PFKFB1: variants seen among roughly 807,000 people sequenced by gnomAD.
PFKFB1 encodes the protein 6-phosphofructo-2-kinase/fructose-2,6-biphosphatase 1.
Under a neutral mutation model 46.4 loss-of-function variants are expected in PFKFB1, and 34 were observed. That is an observed-to-expected ratio of 0.73 (90% CI 0.56 to 0.98). The LOEUF is 0.98. Among genes scored for constraint, PFKFB1 ranks in the 50% least tolerant of loss-of-function variants. The pLI is 0.00. For synonymous variants in PFKFB1, 119 were observed against 133.8 expected (o/e 0.89, Z 0.76); for missense variants, 393 against 376.3 (o/e 1.04, Z -0.37).
chrX:54,934,488 G>A (rs1201793487), intron 12 of PFKFB1, among the ~76,000 whole-genome samples: 1 of 111,556 alleles, frequency 9.0e-6, no homozygotes, highest in African/African-American at 3.3e-5. Flanking sequence ...CCTGTGGACT[G>A]CACCTTACTC....
Position 54,933,814 on chromosome X carries a change from C to G in PFKFB1, c.1356+7G>C. ...AGCCAGCTTGGGCCATGGAGTCCCC[C>G]ACCTACCTCAGGCTTCTCCCGGTGT... is the stretch of plus-strand genomic sequence containing the variant. On this transcript the variant is annotated splice_region_variant and intron_variant, in intron 13 of 13. Coordinates refer to ENST00000375006, the MANE Select transcript of PFKFB1 (RefSeq NM_002625.4). The G allele has an allele frequency of 2.5e-6, 3 of 1,202,760 alleles. No homozygotes were observed. The highest frequency in any genetic ancestry group is 2.3e-6 in the Non-Finnish European group (2 of 887,441).
chrX:54,961,093 G>A (rs1376861027), intron 2 of PFKFB1, among the ~76,000 whole-genome samples, 176 bp from the exon 3 acceptor site: 3 of 111,491 alleles, frequency 2.7e-5, no homozygotes, highest in African/African-American at 9.8e-5. Context: ...GCCCTGCAAA[G>A]TAGAGATCAC....
upstream of PFKFB1, among the ~76,000 whole-genome samples, chrX:54,995,683 C>T (rs911369975): frequency 3.6e-5 from 4 of 112,284 alleles, no homozygotes; most frequent in Admixed American, 2.8e-4. Flanking sequence ...CTCCTTAGGA[C>T]TGTTGAAGAT....
intron 1 of PFKFB1, among the ~76,000 whole-genome samples, chrX:54,992,898 T>A (rs1038584994): frequency 2.7e-5 from 3 of 111,546 alleles, no homozygotes; most frequent in African/African-American, 9.8e-5. Flanking sequence ...TAGTCTTTTT[T>A]CTCTCTCTTC....
At chrX:54,935,837 C>T (rs1274024786) in intron 11 of PFKFB1, among the ~76,000 whole-genome samples, 1 of 111,624 alleles carries the variant, frequency 9.0e-6, no homozygotes, top group Non-Finnish European at 1.9e-5. Context: ...TCTCCTGACA[C>T]CCACTTTCCT....
At chrX:54,965,578 G>T (rs1934450953) in intron 1 of PFKFB1, among the ~76,000 whole-genome samples, 2 of 111,431 alleles carry the variant, frequency 1.8e-5, no homozygotes, top group Admixed American at 9.6e-5. Flanking sequence ...TCAGAAAGAG[G>T]GTTATGATAT....
Position 54,937,790 on chromosome X carries a change from C to A in PFKFB1, c.1099-66G>T, listed in dbSNP as rs759403289. ...GGCACATTTGCCCAGAGGGGAAGAA[C>A]TCTAAACTAGGAATCAAGAACATTT... On this transcript the variant is annotated intron_variant, in intron 10 of 13. Transcript: ENST00000375006. 98 of 1,028,294 alleles carry A rather than the reference C, an allele frequency of 9.5e-5. No individual in the cohort carries two copies. In the African/African-American group the frequency reaches 1.6e-3, roughly 17 times the overall value. 84.7% of individuals were successfully genotyped at this position (1,028,294 alleles called of 1,213,427 possible).
chrX:54,956,155 G>A lies in PFKFB1; in HGVS notation c.636C>T (p.Asp212=). 2.5e-6 allele frequency: 3 copies of A among 1,189,483 alleles called. No homozygotes were observed. The highest frequency in any genetic ancestry group is 3.4e-6 in the Non-Finnish European group (3 of 875,584). The change falls in exon 7 of 14, where the codon GAC becomes GAT. Residue 212 remains aspartate (D), a splice_region_variant and synonymous_variant. Coordinates refer to ENST00000375006, the MANE Select transcript of PFKFB1 (RefSeq NM_002625.4). The part of the protein sequence containing the change: ...VNYQPLDEEL[D]SHLSYIKIFD... Reference sequence around the variant, plus strand: ...GACTTTGGGGTGCTGGCTCTTACCTGTCCAGTTCCTCATCCAAGGGTTGGT... The same window carrying A: ...GACTTTGGGGTGCTGGCTCTTACCTATCCAGTTCCTCATCCAAGGGTTGGT...
At chrX:54,941,371 A>G (rs1170233743) in intron 10 of PFKFB1, among the ~76,000 whole-genome samples, 2 of 112,356 alleles carry the variant, frequency 1.8e-5, no homozygotes, top group Non-Finnish European at 3.8e-5. Context: ...CAATGGCAAC[A>G]AAAGCCAAAA....
At chrX:54,989,719 T>A (rs1935194690) in intron 1 of PFKFB1, among the ~76,000 whole-genome samples, 1 of 112,300 alleles carries the variant, frequency 8.9e-6, no homozygotes, top group South Asian at 3.7e-4. Context: ...ATACAAAGTT[T>A]GTTCTCTGAC....
intron 1 of PFKFB1, among the ~76,000 whole-genome samples, chrX:54,993,516 C>G (rs188513766): frequency 2.0e-4 from 22 of 112,023 alleles, no homozygotes; most frequent in Admixed American, 1.8e-3. Flanking sequence ...CAGGCACTAT[C>G]AGTCAGGCAA....
intron 1 of PFKFB1, among the ~76,000 whole-genome samples, chrX:54,983,958 T>C (rs12014943): frequency 0.038 from 4,283 of 111,878 alleles, 223 homozygotes; most frequent in African/African-American, 0.13. Context: ...TGGCTGTATG[T>C]GTGTCTTCTT....
In PFKFB1 at chrX:54,933,279, G is replaced by A; in HGVS notation, c.*124C>T. The stretch of plus-strand genomic sequence containing the variant: ...CGAGGCTTGTTTGGGAGTTGCGGAG[G>A]ACTTCTTCACTGGAAGTGGGGTGCC... On this transcript the variant is annotated 3_prime_UTR_variant, in exon 14 of 14. Coordinates refer to ENST00000375006, the MANE Select transcript of PFKFB1 (RefSeq NM_002625.4). The A allele has an allele frequency of 1.8e-6, 1 of 550,338 alleles. No homozygotes were observed. Among genetic ancestry groups the A allele is most frequent in the South Asian group, 2.8e-5 (1 of 35,405 alleles). The allele number at this position is 550,338 out of a possible 1,213,427, so 45.4% of individuals were successfully genotyped here. A position where few individuals can be genotyped will look rare whatever the true frequency, so the allele number is the denominator to read the frequency against.
intron 13 of PFKFB1, 107 bp from the exon 14 acceptor site, chrX:54,933,569 C>T (rs1005740126): frequency 1.8e-5 from 12 of 678,160 alleles, no homozygotes; most frequent in Admixed American, 8.0e-5. Flanking sequence ...CAGCCAGGCC[C>T]GGATCCTGAC....
upstream of PFKFB1, among the ~76,000 whole-genome samples, chrX:54,996,691 C>A (rs1182808563): frequency 8.9e-6 from 1 of 112,062 alleles, no homozygotes; most frequent in Non-Finnish European, 1.9e-5. Context: ...CAAGCTTCAG[C>A]CTATCTGTCC....
At chrX:54,939,395 A>G (rs1468774078) in intron 10 of PFKFB1, among the ~76,000 whole-genome samples, 1 of 112,091 alleles carries the variant, frequency 8.9e-6, no homozygotes, top group African/African-American at 3.2e-5. Flanking sequence ...CTAAGATCAG[A>G]GCAGAACTGA....
intron 1 of PFKFB1, among the ~76,000 whole-genome samples, chrX:54,989,043 C>G (rs1935175987): frequency 9.0e-6 from 1 of 111,553 alleles, no homozygotes; most frequent in Non-Finnish European, 1.9e-5. Context: ...TTCATTGAGA[C>G]TGAAAGTAGA....
intron 1 of PFKFB1, among the ~76,000 whole-genome samples, chrX:54,978,749 G>A (rs370054935): frequency 3.2e-4 from 36 of 111,787 alleles, no homozygotes; most frequent in African/African-American, 1.2e-3. Flanking sequence ...CTGATGTGAT[G>A]TGATGAGAAG....
intron 7 of PFKFB1, among the ~76,000 whole-genome samples, chrX:54,952,441 G>C (rs1934015367): frequency 9.0e-6 from 1 of 111,357 alleles, no homozygotes; most frequent in Non-Finnish European, 1.9e-5. Context: ...CATAGTCAGA[G>C]AGAAGCAGTA....
Sources: gnomAD v4.1 joint callset for allele counts (sites outside exome capture counted in the v4.1 genomes callset) on GRCh38, gnomAD v4.1.1 for gene constraint, MANE v1.5 for transcripts, NCBI Gene and HGNC (gene_info 2026-07-23, HGNC 2026-07-21) for gene names.